The following SLC24A4 variants were observed in gnomAD, a reference collection of about 807,000 sequenced individuals.
The protein encoded by SLC24A4 is sodium/potassium/calcium exchanger 4.
Under a neutral mutation model 79.0 loss-of-function variants are expected in SLC24A4, and 53 were observed. The observed-to-expected ratio is 0.67, with a 90% CI of 0.54 to 0.84. The LOEUF is 0.84. SLC24A4 is among the 40% of genes least tolerant of loss of function. The pLI, the probability that SLC24A4 is intolerant of heterozygous loss-of-function variation, is 0.00. For missense variants in SLC24A4, 731 were observed against 822.0 expected (o/e 0.89, Z 1.35); for synonymous variants, 323 against 323.8 (o/e 1.00, Z 0.03).
At chr14:92,406,882 T>A (rs10138705) in intron 2 of SLC24A4, among the ~76,000 whole-genome samples, 45,525 of 152,052 alleles carry the variant, frequency 0.3, 6,942 homozygotes, top group Non-Finnish European at 0.32. Context: ...TATGCAGATT[T>A]CCGCAGCTGG....
intron 2 of SLC24A4, among the ~76,000 whole-genome samples, chr14:92,388,146 G>A (rs1047252239): frequency 1.3e-5 from 2 of 152,162 alleles, no homozygotes; most frequent in African/African-American, 4.8e-5. Flanking sequence ...TTGAAACACA[G>A]CGTACCCCTT....
chr14:92,386,835 G>A (rs1889184425), intron 2 of SLC24A4, among the ~76,000 whole-genome samples: 1 of 152,220 alleles, frequency 6.6e-6, no homozygotes, highest in African/African-American at 2.4e-5. Flanking sequence ...CGCTAACCTT[G>A]AGGCGGGGTT....
At chr14:92,444,396 C>T (rs116115507) in intron 7 of SLC24A4, among the ~76,000 whole-genome samples, 4,032 of 152,182 alleles carry the variant, frequency 0.026, 161 homozygotes, top group African/African-American at 0.091. Context: ...CACCTAAGCC[C>T]CGTGGGTGGT....
chr14:92,456,705 G>A, intron 12 of SLC24A4, 97 bp downstream of exon 12: 2 of 1,241,208 alleles, frequency 1.6e-6, no homozygotes, highest in Non-Finnish European at 2.3e-6. Context: ...ACTTGTAAGG[G>A]CGGCAGAGGG....
At chr14:92,476,100 A>G (rs1233862331) in intron 12 of SLC24A4, among the ~76,000 whole-genome samples, 3 of 152,174 alleles carry the variant, frequency 2.0e-5, no homozygotes, top group African/African-American at 4.8e-5. Context: ...ACATATGAAA[A>G]TTATCCTTCT....
At chr14:92,346,893 T>C (rs1218400723) in intron 2 of SLC24A4, among the ~76,000 whole-genome samples, 1 of 152,140 alleles carries the variant, frequency 6.6e-6, no homozygotes, top group Non-Finnish European at 1.5e-5. Context: ...GTGGCCTCTC[T>C]TGCTCTCAAA....
chr14:92,380,867 C>G (rs755354692), intron 2 of SLC24A4, among the ~76,000 whole-genome samples: 1 of 152,166 alleles, frequency 6.6e-6, no homozygotes, highest in African/African-American at 2.4e-5. Context: ...GCTGAGTGAC[C>G]GTGGACCAGG....
At chr14:92,483,770 G>C (rs1415557823) in intron 13 of SLC24A4, 1 of 1,290,014 alleles carries the variant, frequency 7.8e-7, no homozygotes, top group East Asian at 5.6e-5. Flanking sequence ...CTGCAGTTCT[G>C]TTGATTGTGA....
At chr14:92,375,319 G>A (rs1352637053) in intron 2 of SLC24A4, among the ~76,000 whole-genome samples, 2 of 152,196 alleles carry the variant, frequency 1.3e-5, no homozygotes, top group Non-Finnish European at 1.5e-5. Flanking sequence ...GTGTTGGGAA[G>A]GATGTGGAGA....
At chr14:92,483,157 A>C (rs1417957252) in intron 13 of SLC24A4, among the ~76,000 whole-genome samples, 1 of 152,140 alleles carries the variant, frequency 6.6e-6, no homozygotes, top group East Asian at 1.9e-4. Context: ...GATGATCACC[A>C]AGCCCCCTTG....
intron 12 of SLC24A4, among the ~76,000 whole-genome samples, chr14:92,471,817 C>A: frequency 6.6e-6 from 1 of 152,142 alleles, no homozygotes; most frequent in East Asian, 1.9e-4. Context: ...ATGCTGTTAC[C>A]ATTAAAGGGG....
At position 92,491,764 on chromosome 14, in the gene SLC24A4, A is replaced by G; in HGVS notation, c.1637A>G (p.Asn546Ser). 4 of 1,612,738 alleles carry G rather than the reference A, an allele frequency of 2.5e-6. No homozygotes were observed. Among genetic ancestry groups the G allele is most frequent in the Non-Finnish European group, 3.4e-6 (4 of 1,178,722 alleles). The stretch of plus-strand genomic sequence containing the variant: ...TGGGGCCTGCAGACCATGGTTGTTA[A>G]TTATGGATCAACAGTAAGTTCCTCT... ...VPWGLQTMVV[N>S]YGSTVKINSR... Residue 546 changes from asparagine (N) to serine (S), a missense_variant, in exon 15 of 17, where the codon AAT (asparagine) becomes AGT (serine). Asn to Ser is a conservative substitution (Grantham distance 46). Transcript: ENST00000532405.
At chr14:92,346,788 G>A (rs138874775) in intron 2 of SLC24A4, among the ~76,000 whole-genome samples, 1 of 152,182 alleles carries the variant, frequency 6.6e-6, no homozygotes, top group Non-Finnish European at 1.5e-5. Context: ...ATTGTAATCT[G>A]TGGGTGGACC....
intron 2 of SLC24A4, among the ~76,000 whole-genome samples, chr14:92,382,686 G>A (rs1016295933): frequency 1.2e-4 from 19 of 152,256 alleles, no homozygotes; most frequent in African/African-American, 1.9e-4. Flanking sequence ...TGCCCCCTCC[G>A]TAGGTCATGC....
At chr14:92,432,912 G>T (rs1474879678) in intron 2 of SLC24A4, among the ~76,000 whole-genome samples, 1 of 152,198 alleles carries the variant, frequency 6.6e-6, no homozygotes, top group Non-Finnish European at 1.5e-5. Flanking sequence ...AATGAACTAG[G>T]TGTCATTCCC....
intron 4 of SLC24A4, 41 bp from the exon 5 acceptor site, chr14:92,442,048 C>G: frequency 2.0e-6 from 3 of 1,514,096 alleles, no homozygotes; most frequent in Non-Finnish European, 2.8e-6. Context: ...TCCAGTACCC[C>G]CACGTCACAC....
chr14:92,385,371 C>A (rs115933378), intron 2 of SLC24A4, among the ~76,000 whole-genome samples: 1 of 151,800 alleles, frequency 6.6e-6, no homozygotes, highest in Non-Finnish European at 1.5e-5. Flanking sequence ...TGGGCGTGTG[C>A]GTGTAATCTC....
At chr14:92,452,004 A>G (rs1358273980) in intron 10 of SLC24A4, 2 of 152,258 alleles carry the variant, frequency 1.3e-5, no homozygotes, top group Non-Finnish European at 2.9e-5. Flanking sequence ...TGGTCAGGGG[A>G]CACCAGGACA....
chr14:92,331,294 T>A (rs1270842938), intron 2 of SLC24A4, among the ~76,000 whole-genome samples: 2 of 152,184 alleles, frequency 1.3e-5, no homozygotes, highest in African/African-American at 4.8e-5. Context: ...TATTTATTTT[T>A]AAAAAATGAG....
Sources: allele counts gnomAD v4.1 joint callset (sites outside exome capture counted in the v4.1 genomes callset), GRCh38; gene constraint gnomAD v4.1.1; transcripts MANE v1.5; gene names NCBI Gene and HGNC (gene_info 2026-07-23, HGNC 2026-07-21).